WDR27: variants seen among roughly 807,000 people sequenced by gnomAD.
WDR27 encodes WD repeat-containing protein 27.
Under a neutral mutation model 114.4 loss-of-function variants are expected in WDR27, and 100 were observed. That is an observed-to-expected ratio of 0.87 (90% CI 0.74 to 1.03). The LOEUF is 1.03. WDR27 is among the 50% of genes least tolerant of loss of function. WDR27 has a pLI of 0.00. For synonymous variants in WDR27, 449 were observed against 423.1 expected, an observed-to-expected ratio of 1.06 and a Z score of -0.75; for missense variants, 1,129 against 1,092.9, an observed-to-expected ratio of 1.03 and a Z score of -0.47.
chr6:169,624,215 T>C (rs1041769543), intron 21 of WDR27, among the ~76,000 whole-genome samples: 11 of 142,418 alleles, frequency 7.7e-5, no homozygotes, highest in African/African-American at 3.0e-4. Flanking sequence ...GTGGCAGGTG[T>C]TCCGTGTGCG....
At chr6:169,601,145 G>A (rs796625951) in intron 23 of WDR27, among the ~76,000 whole-genome samples, 13 of 152,260 alleles carry the variant, frequency 8.5e-5, no homozygotes, top group African/African-American at 3.1e-4. Flanking sequence ...AGAAGAGAGT[G>A]GGGGCCAATA....
intron 25 of WDR27, 50 bp from the exon 26 acceptor site, chr6:169,457,684 T>C (rs1375459904): frequency 2.8e-6 from 4 of 1,422,414 alleles, no homozygotes; most frequent in Non-Finnish European, 3.9e-6. Context: ...TTTTATTAAT[T>C]GATAACTCTA....
At position 169,701,854 on chromosome 6, in the gene WDR27, C is replaced by A. The variant is rs1187128329; in HGVS notation, c.-311G>T. ...GCTCCAGCCCTGCGCCCTAGGCACA[C>A]GCCCCAGAGCAGCAGCTCGGGTTCG... On this transcript the variant is annotated 5_prime_UTR_variant, in exon 1 of 26. Transcript: ENST00000448612. The A allele has an allele frequency of 3.1e-6, 1 of 322,716 alleles. No individual in the cohort carries two copies. The highest frequency in any genetic ancestry group is 6.0e-6 in the Non-Finnish European group (1 of 165,510). The allele number at this position is 322,716 out of a possible 1,614,324, so 20.0% of individuals were successfully genotyped here.
intron 3 of WDR27, chr6:169,671,027 C>CAG (rs1412588453): frequency 6.1e-4 from 134 of 219,114 alleles, no homozygotes; most frequent in African/African-American, 2.5e-3. Context: ...AACCCCATGT[C>CAG]CACCCTCATG....
intron 25 of WDR27, among the ~76,000 whole-genome samples, chr6:169,549,126 G>A (rs762039772): frequency 1.3e-5 from 2 of 152,088 alleles, no homozygotes; most frequent in Non-Finnish European, 1.5e-5. Flanking sequence ...GCCACAAACC[G>A]GGAGAAAATA....
chr6:169,571,991 T>C (rs889563530), intron 25 of WDR27, among the ~76,000 whole-genome samples: 1 of 152,154 alleles, frequency 6.6e-6, no homozygotes, highest in Non-Finnish European at 1.5e-5. Context: ...TATTATAATA[T>C]GTTAAAAGTT....
rs918023409 is a variant in WDR27 at position 169,516,596 on chromosome 6, G to T, written c.2645+55823C>A. 5.3e-5 allele frequency among the ~76,000 whole-genome samples: 8 copies of T among 152,180 alleles called. No homozygotes were observed. In the South Asian group the frequency reaches 6.2e-4, roughly 12 times the overall value. ...ATGTACAAACCAAAAACCTTGAGAG[G>T]GAAGACTGCTGACGGGAGATGTCCA... On this transcript the variant is annotated intron_variant, in intron 25 of 25. Coordinates refer to ENST00000448612, the MANE Select transcript of WDR27 (RefSeq NM_182552.5).
intron 25 of WDR27, among the ~76,000 whole-genome samples, chr6:169,480,652 A>G (rs1231621074): frequency 6.6e-6 from 1 of 151,020 alleles, no homozygotes; most frequent in Non-Finnish European, 1.5e-5. Context: ...GAGAACTTTT[A>G]TGTCTAGCTA....
At chr6:169,552,659 C>G (rs1163921529) in intron 25 of WDR27, among the ~76,000 whole-genome samples, 1 of 152,226 alleles carries the variant, frequency 6.6e-6, no homozygotes, top group Non-Finnish European at 1.5e-5. Context: ...AATTGATCAA[C>G]TGCCTCCCTG....
chr6:169,661,959 G>A (rs1372856333), intron 9 of WDR27, among the ~76,000 whole-genome samples: 1 of 152,196 alleles, frequency 6.6e-6, no homozygotes, highest in African/African-American at 2.4e-5. Flanking sequence ...AACTTTAAAT[G>A]TGTAATGTAT....
chr6:169,517,795 C>T (rs1030210846), intron 25 of WDR27, among the ~76,000 whole-genome samples: 2 of 152,282 alleles, frequency 1.3e-5, no homozygotes, highest in South Asian at 2.1e-4. Flanking sequence ...CTTTTAGACA[C>T]CATGGTTTCT....
rs369713812 is a variant in WDR27, at chr6:169,634,451, G to T, written c.2078C>A (p.Ser693Ter). 1.2e-6 allele frequency: 2 copies of T among 1,612,714 alleles called. No individual in the cohort carries two copies. The highest frequency in any genetic ancestry group is 1.7e-5 in the Admixed American group (1 of 59,884). The change falls in exon 20 of 26, where the codon TCG becomes TAG. Residue 693 changes from serine to a stop codon, truncating the protein, a stop_gained. Coordinates refer to ENST00000448612, the MANE Select transcript of WDR27 (RefSeq NM_182552.5). LOFTEE classifies it high-confidence loss of function. The part of the protein sequence containing the change: ...TTGAVDMTSL[S>*]AVNDFYSHIV... Reference sequence around the variant, plus strand: ...ACGGGAATAAAAGTCGTTGACTGCCGATAAACTGGTCATGTCTACTGCACC... The same window carrying T: ...ACGGGAATAAAAGTCGTTGACTGCCTATAAACTGGTCATGTCTACTGCACC...
At chr6:169,571,459 CA>C (rs1801405816) in intron 25 of WDR27, among the ~76,000 whole-genome samples, 2 of 152,172 alleles carry the variant, frequency 1.3e-5, no homozygotes, top group Non-Finnish European at 2.9e-5. Flanking sequence ...CTCAAACCAG[CA>C]ATTAGCAGGA....
At chr6:169,613,279 G>C (rs1486745551) in intron 22 of WDR27, among the ~76,000 whole-genome samples, 1 of 152,152 alleles carries the variant, frequency 6.6e-6, no homozygotes, top group East Asian at 1.9e-4. Context: ...TCACACCATA[G>C]GGTAACTGTG....
chr6:169,693,299 CCACTACCAAGCTAG>C (rs1298218510), intron 1 of WDR27, among the ~76,000 whole-genome samples: 2 of 152,154 alleles, frequency 1.3e-5, no homozygotes, highest in African/African-American at 4.8e-5. Context: ...AGAGAATTTG[CCACTACCAAGCTAG>C]CACTACAAGA....
At chr6:169,641,507 C>T (rs1352527824) in intron 17 of WDR27, among the ~76,000 whole-genome samples, 1 of 152,150 alleles carries the variant, frequency 6.6e-6, no homozygotes, top group African/African-American at 2.4e-5. Context: ...GATTCTAAAA[C>T]CCTACCTAGG....
At chr6:169,481,765 T>C (rs1331089800) in intron 25 of WDR27, among the ~76,000 whole-genome samples, 1 of 152,106 alleles carries the variant, frequency 6.6e-6, no homozygotes, top group East Asian at 1.9e-4. Flanking sequence ...CGTGCCTCCT[T>C]AAAGAACTGT....
At chr6:169,634,326 C>T in intron 20 of WDR27, 102 bp downstream of exon 20, 2 of 766,300 alleles carry the variant, frequency 2.6e-6, no homozygotes, top group Non-Finnish European at 4.3e-6. Context: ...TTCCCGGAGC[C>T]CCACACAATG....
chr6:169,467,978 T>G (rs764230746), intron 25 of WDR27, among the ~76,000 whole-genome samples: 1 of 152,222 alleles, frequency 6.6e-6, no homozygotes, highest in Non-Finnish European at 1.5e-5. Flanking sequence ...AGTCGCATCT[T>G]GAACACTTTG....
Sources: gnomAD v4.1 joint callset for allele counts (sites outside exome capture counted in the v4.1 genomes callset) on GRCh38, gnomAD v4.1.1 for gene constraint, MANE v1.5 for transcripts, NCBI Gene and HGNC (gene_info 2026-07-23, HGNC 2026-07-21) for gene names.